UBR4: variants seen among roughly 807,000 people sequenced by gnomAD.
UBR4 encodes the protein E3 ubiquitin-protein ligase UBR4.
Under a neutral mutation model 575.6 loss-of-function variants are expected in UBR4, and 124 were observed. The ratio of observed to expected loss-of-function variants is 0.22; its 90% CI spans 0.19 to 0.25. The LOEUF is 0.25. Ranked by LOEUF, UBR4 falls within the 10% of genes least tolerant of loss-of-function variation. UBR4 has a pLI of 1.00. For synonymous variants in UBR4, 2,455 were observed against 2,473.7 expected (o/e 0.99, Z 0.22); for missense variants, 4,818 against 6,478.8 (o/e 0.74, Z 8.80).
At chr1:19,136,540 AG>A (rs1004862273) in intron 60 of UBR4, among the ~76,000 whole-genome samples, 6 of 152,200 alleles carry the variant, frequency 3.9e-5, no homozygotes, top group Admixed American at 1.3e-4. Flanking sequence ...GGAAAGAAAC[AG>A]GAAGAAAAAA....
intron 52 of UBR4, 181 bp from the exon 53 acceptor site, chr1:19,146,114 A>G (rs1170297891): frequency 3.2e-6 from 5 of 1,543,846 alleles, no homozygotes; most frequent in Non-Finnish European, 4.4e-6. Flanking sequence ...AGTCTGGGAA[A>G]GGAATATCGC....
At chr1:19,135,469 T>A (rs971281279) in intron 60 of UBR4, among the ~76,000 whole-genome samples, 4 of 152,224 alleles carry the variant, frequency 2.6e-5, no homozygotes, top group Non-Finnish European at 2.9e-5. Flanking sequence ...TGGCTCTATA[T>A]CAATTTGAAG....
chr1:19,094,233 A>C (rs1367956769), intron 94 of UBR4, 94 bp from the exon 95 acceptor site: 5 of 904,258 alleles, frequency 5.5e-6, no homozygotes, highest in Non-Finnish European at 8.5e-6. Context: ...CTTCCATCAG[A>C]GTCATCAGGA....
chr1:19,084,478 C>A (rs2076818439), intron 102 of UBR4, 26 bp downstream of exon 102: 3 of 1,578,368 alleles, frequency 1.9e-6, no homozygotes, highest in Admixed American at 1.7e-5. Context: ...CTGCGAGATG[C>A]CGCCCCTGGG....
rs757257540 is a variant in UBR4, at chr1:19,173,312, T to A, written c.3166-6A>T. 6.2e-7 allele frequency: 1 copy of A among 1,614,062 alleles called. No homozygotes were observed. The highest frequency in any genetic ancestry group is 1.1e-5 in the South Asian group (1 of 91,072). On this transcript the variant is annotated splice_polypyrimidine_tract_variant and splice_region_variant and intron_variant, in intron 23 of 105. Transcript: ENST00000375254. Reference sequence around the variant, plus strand: ...CCCTGTTTGATAAGGTGATCCTATTTGGACAGCAAGAAAAAGTGTTTAGGA... The same window carrying A: ...CCCTGTTTGATAAGGTGATCCTATTAGGACAGCAAGAAAAAGTGTTTAGGA...
chr1:19,165,866 T>C (rs1472647775), intron 29 of UBR4, 109 bp from the exon 30 acceptor site: 4 of 912,964 alleles, frequency 4.4e-6, no homozygotes, highest in Non-Finnish European at 6.5e-6. Context: ...TTGAGGGCAA[T>C]GTCTAATTTT....
At chr1:19,078,638 T>A (rs2076193913) in intron 103 of UBR4, 1 of 153,514 alleles carries the variant, frequency 6.5e-6, no homozygotes, top group Admixed American at 6.5e-5. Context: ...AGATGGAGCA[T>A]GCAGCCACCC....
In UBR4 at chr1:19,094,137, G is replaced by A. The variant is rs375569094; in HGVS notation, c.13749C>T (p.Gly4583=). The part of the protein sequence containing the change: ...SNAEPLSEDK[G]NLLLTGDKDQ... ...CCTTGTCACCTGTCAGGAGGAGGTT[G>A]CCCTGCAACAGAAAAGAGGGTGAAC... Residue 4583 remains glycine, a splice_region_variant and synonymous_variant, in exon 95 of 106, where the codon GGC becomes GGT. Transcript: ENST00000375254. 1.2e-6 allele frequency: 2 copies of A among 1,612,096 alleles called. No homozygotes were observed. Among genetic ancestry groups the A allele is most frequent in the East Asian group, 2.2e-5 (1 of 44,842 alleles).
chr1:19,104,825 C>A (rs1055257894), intron 85 of UBR4, 159 bp from the exon 86 acceptor site: 2 of 1,069,646 alleles, frequency 1.9e-6, no homozygotes, highest in East Asian at 2.6e-5. Flanking sequence ...ACAGTCACAG[C>A]GCTGGTAAGG....
chr1:19,160,031 G>A, intron 39 of UBR4, 80 bp downstream of exon 39: 16 of 1,548,902 alleles, frequency 1.0e-5, no homozygotes, highest in Non-Finnish European at 1.4e-5. Context: ...ATACTCCTCA[G>A]AGCATCTAGC....
At chr1:19,197,049 A>G in intron 8 of UBR4, 92 bp downstream of exon 8, 3 of 1,457,814 alleles carry the variant, frequency 2.1e-6, no homozygotes, top group Non-Finnish European at 2.8e-6. Flanking sequence ...AGCAAGGGGG[A>G]TGAGTAGAGT....
At chr1:19,130,654 G>A (rs2082317705) in intron 60 of UBR4, among the ~76,000 whole-genome samples, 1 of 152,244 alleles carries the variant, frequency 6.6e-6, no homozygotes, top group African/African-American at 2.4e-5. Context: ...AGCCAAGCTA[G>A]GTGGGGACTA....
intron 34 of UBR4, among the ~76,000 whole-genome samples, chr1:19,162,859 T>C (rs1164156892): frequency 6.6e-6 from 1 of 152,170 alleles, no homozygotes; most frequent in Non-Finnish European, 1.5e-5. Context: ...TACAAAGTCT[T>C]GTAAGATGAA....
chr1:19,079,540 T>C (rs2076280473), intron 103 of UBR4: 2 of 152,268 alleles, frequency 1.3e-5, no homozygotes, highest in Non-Finnish European at 2.9e-5. Flanking sequence ...TTTTTCTGAA[T>C]GTCAAGTGTG....
chr1:19,086,134 T>A lies in UBR4; in HGVS notation c.14813+11A>T. The A allele has an allele frequency of 6.2e-7, 1 of 1,613,554 alleles. No homozygotes were observed. Among genetic ancestry groups the A allele is most frequent in the Non-Finnish European group, 8.5e-7 (1 of 1,179,870 alleles). On this transcript the variant is annotated intron_variant, in intron 101 of 105. Coordinates refer to ENST00000375254, the MANE Select transcript of UBR4 (RefSeq NM_020765.3). ...CCCTCCATTCCACCATGAAAAATACTCAACACTCACCTTGCCAAGCAAGTG... is the reference window on the plus strand; with the variant it reads ...CCCTCCATTCCACCATGAAAAATACACAACACTCACCTTGCCAAGCAAGTG...
At chr1:19,185,416 T>C (rs1010048525) in intron 14 of UBR4, 130 bp from the exon 15 acceptor site, 5 of 881,488 alleles carry the variant, frequency 5.7e-6, no homozygotes, top group African/African-American at 3.5e-5. Flanking sequence ...GTTACAAGAT[T>C]GCATTTGTGT....
chr1:19,085,416 G>A (rs984461748), intron 101 of UBR4, among the ~76,000 whole-genome samples: 3 of 152,240 alleles, frequency 2.0e-5, no homozygotes, highest in African/African-American at 7.2e-5. Flanking sequence ...CAGCTACTTG[G>A]GAGGCTGAGG....
chr1:19,132,677 A>G (rs186191063), intron 60 of UBR4, among the ~76,000 whole-genome samples: 2 of 151,508 alleles, frequency 1.3e-5, no homozygotes, highest in African/African-American at 4.8e-5. Flanking sequence ...GCAGACATAC[A>G]ACAGAAAAAA....
intron 55 of UBR4, among the ~76,000 whole-genome samples, chr1:19,141,995 C>G (rs189543333): frequency 2.0e-5 from 3 of 152,184 alleles, no homozygotes; most frequent in East Asian, 3.9e-4. Flanking sequence ...GCTTGCCCCC[C>G]ACAAAAATAA....
Sources: allele counts gnomAD v4.1 joint callset (sites outside exome capture counted in the v4.1 genomes callset), GRCh38; gene constraint gnomAD v4.1.1; transcripts MANE v1.5; gene names NCBI Gene and HGNC (gene_info 2026-07-23, HGNC 2026-07-21).